SLC25A28: variants seen among roughly 807,000 people sequenced by gnomAD.
The protein encoded by SLC25A28 is mitoferrin-2.
Under a neutral mutation model 31.9 loss-of-function variants are expected in SLC25A28, and 10 were observed. The ratio of observed to expected loss-of-function variants is 0.31; its 90% CI spans 0.19 to 0.53. SLC25A28 has a LOEUF of 0.53. SLC25A28 is among the 20% of genes least tolerant of loss of function. SLC25A28 has a pLI of 0.95. For synonymous variants in SLC25A28, 208 were observed against 203.6 expected, an observed-to-expected ratio of 1.02 and a Z score of -0.19; for missense variants, 256 against 490.3, an observed-to-expected ratio of 0.52 and a Z score of 4.51.
chr10:99,645,600 G>A, the SLC25A28 span, among the ~76,000 whole-genome samples: 1 of 152,184 alleles, frequency 6.6e-6, no homozygotes, highest in Non-Finnish European at 1.5e-5. Context: ...TCCATTGCTG[G>A]CGAGGAGCTG....
Position 99,620,175 on chromosome 10 carries a change from C to G in SLC25A28, c.161G>C (p.Arg54Pro). 1.3e-6 allele frequency: 2 copies of G among 1,537,674 alleles called. No individual in the cohort carries two copies. The highest frequency in any genetic ancestry group is 1.7e-6 in the Non-Finnish European group (2 of 1,148,916). Residue 54 changes from arginine (R) to proline (P), a missense_variant, in exon 1 of 4, where the codon CGA becomes CCA. Arg to Pro is a moderately radical substitution (Grantham distance 103, BLOSUM62 -2). Transcript: ENST00000370495. ...GTCCGGGCCGGAGTCCGGATCTTGT[C>G]GTACCGGGGGCCTGCAGGCCCCGGC... ...GEAGACRPPV[R>P]QDPDSGPDYE...
In SLC25A28 at chr10:99,610,607, G is replaced by A. The variant is rs1191704891; in HGVS notation, c.*242C>T. On this transcript the variant is annotated 3_prime_UTR_variant, in exon 4 of 4. Coordinates refer to ENST00000370495, the MANE Select transcript of SLC25A28 (RefSeq NM_031212.4). ...GTCTAGAGCAGGTCATCAGGCCCAGGATGGAGAGAGGTTATCAAAGGTGCT... is the reference window on the plus strand; with the variant it reads ...GTCTAGAGCAGGTCATCAGGCCCAGAATGGAGAGAGGTTATCAAAGGTGCT... 3 of 547,364 alleles carry A rather than the reference G, an allele frequency of 5.5e-6. No individual in the cohort carries two copies. Among genetic ancestry groups the A allele is most frequent in the Non-Finnish European group, 9.8e-6 (3 of 304,672 alleles). 33.9% of individuals were successfully genotyped at this position (547,364 alleles called of 1,614,324 possible).
the SLC25A28 span, among the ~76,000 whole-genome samples, chr10:99,626,057 T>C: frequency 6.6e-6 from 1 of 152,234 alleles, no homozygotes; most frequent in Admixed American, 6.5e-5. Context: ...CCCTTTGTTC[T>C]TATCAAATTT....
the SLC25A28 span, among the ~76,000 whole-genome samples, chr10:99,637,642 C>T: frequency 5.4e-4 from 82 of 152,228 alleles, no homozygotes; most frequent in South Asian, 1.5e-3. Flanking sequence ...ACACCAACAG[C>T]GACCAAGTGG....
intron 1 of SLC25A28, 52 bp downstream of exon 1, chr10:99,619,993 C>T: frequency 6.6e-7 from 1 of 1,509,764 alleles, no homozygotes; most frequent in South Asian, 1.2e-5. Flanking sequence ...CGGACAAGAC[C>T]CAGGGGTCGG....
the SLC25A28 span, among the ~76,000 whole-genome samples, chr10:99,650,349 T>A: frequency 6.6e-6 from 1 of 152,126 alleles, no homozygotes; most frequent in Non-Finnish European, 1.5e-5. Context: ...AGCAAATTTT[T>A]AAAAATTTTC....
At chr10:99,623,395 A>G (rs1164098815), upstream of SLC25A28, among the ~76,000 whole-genome samples, 2 of 152,170 alleles carry the variant, frequency 1.3e-5, no homozygotes, top group Non-Finnish European at 2.9e-5. Context: ...TTCGTTTTCC[A>G]TGAAAGTCTT....
chr10:99,641,981 A>G, the SLC25A28 span, among the ~76,000 whole-genome samples: 1 of 152,118 alleles, frequency 6.6e-6, no homozygotes, highest in Non-Finnish European at 1.5e-5. Context: ...CTTGTAGTAT[A>G]GTTTGAAGTC....
intron 1 of SLC25A28, chr10:99,619,144 A>G: frequency 1.0e-6 from 1 of 985,434 alleles, no homozygotes; most frequent in Non-Finnish European, 1.2e-6. Context: ...TGACTTCAGT[A>G]CACATAAATC....
chr10:99,649,363 T>A, the SLC25A28 span, among the ~76,000 whole-genome samples: 1 of 152,236 alleles, frequency 6.6e-6, no homozygotes, highest in African/African-American at 2.4e-5. Flanking sequence ...TAATATTTTG[T>A]TAAGGATTTT....
At position 99,611,490 on chromosome 10, in the gene SLC25A28, T is replaced by A; in HGVS notation, c.578-124A>T. 1 of 1,230,282 alleles carries A rather than the reference T, an allele frequency of 8.1e-7. No individual in the cohort carries two copies. Among genetic ancestry groups the A allele is most frequent in the Non-Finnish European group, 1.1e-6 (1 of 887,410 alleles). 76.2% of individuals were successfully genotyped at this position (1,230,282 alleles called of 1,614,324 possible). A position where few individuals can be genotyped will look rare whatever the true frequency, so the allele number is the denominator to read the frequency against. ...GAATAGAGAGAGAAAAAAGTATGAGTGAGCTGCTGGCTAACCTGAGAAGTC... is the reference window on the plus strand; with the variant it reads ...GAATAGAGAGAGAAAAAAGTATGAGAGAGCTGCTGGCTAACCTGAGAAGTC... On this transcript the variant is annotated intron_variant, in intron 3 of 3. Coordinates refer to ENST00000370495, the MANE Select transcript of SLC25A28 (RefSeq NM_031212.4). This position sits in a 1 kb window ranked among gnomAD's most constrained non-coding sequence, Gnocchi z 5.5.
chr10:99,616,842 T>C (rs1344541507), intron 1 of SLC25A28: 1 of 919,260 alleles, frequency 1.1e-6, no homozygotes, highest in Non-Finnish European at 1.3e-6. Flanking sequence ...TGTAAAATAA[T>C]GAAAATGGTT....
At chr10:99,638,360 C>G in the SLC25A28 span, among the ~76,000 whole-genome samples, 5 of 152,182 alleles carry the variant, frequency 3.3e-5, no homozygotes, top group Admixed American at 1.3e-4. Context: ...TTGGACAAAC[C>G]CTTCTAGACA....
chr10:99,655,945 C>T, the SLC25A28 span, among the ~76,000 whole-genome samples: 16 of 152,220 alleles, frequency 1.1e-4, no homozygotes, highest in South Asian at 4.1e-4. Context: ...GGATCTCCCA[C>T]GCCATGCTAA....
intron 2 of SLC25A28, 36 bp from the exon 3 acceptor site, chr10:99,612,635 A>G (rs758117200): frequency 1.4e-5 from 23 of 1,613,772 alleles, no homozygotes; most frequent in Non-Finnish European, 1.9e-5. Context: ...ATGTAAGGCC[A>G]AGAGAGCTGA....
Position 99,613,619 on chromosome 10 carries a change from G to A in SLC25A28, c.520+77C>T. On this transcript the variant is annotated intron_variant, in intron 2 of 3. Transcript: ENST00000370495. The surrounding 1 kb of genome is among the most constrained non-coding windows in gnomAD (Gnocchi z 4.9). ...CAAAGCTTCAGCTCCAAACCATGCT[G>A]AGACTGGAAAGCACTGACAGCAGCA... 6.2e-7 allele frequency: 1 copy of A among 1,604,430 alleles called. No homozygotes were observed. Among genetic ancestry groups the A allele is most frequent in the East Asian group, 2.2e-5 (1 of 44,748 alleles).
the SLC25A28 span, among the ~76,000 whole-genome samples, chr10:99,628,258 G>T: frequency 2.0e-5 from 3 of 152,150 alleles, no homozygotes; most frequent in East Asian, 3.8e-4. Flanking sequence ...AGAAAAAGCT[G>T]AGTAATACTC....
At chr10:99,658,064 C>A in the SLC25A28 span, among the ~76,000 whole-genome samples, 8 of 152,096 alleles carry the variant, frequency 5.3e-5, no homozygotes, top group African/African-American at 1.2e-4. Flanking sequence ...TGGCACGTGC[C>A]TGTAGAGCCA....
chr10:99,655,353 GT>G, the SLC25A28 span, among the ~76,000 whole-genome samples: 1 of 152,100 alleles, frequency 6.6e-6, no homozygotes, highest in Non-Finnish European at 1.5e-5. Flanking sequence ...TTGAGATGTA[GT>G]TATGAAATGT....
Sources: allele counts gnomAD v4.1 joint callset (sites outside exome capture counted in the v4.1 genomes callset), GRCh38; gene constraint gnomAD v4.1.1; non-coding constraint Gnocchi (gnomAD v3.1); transcripts MANE v1.5; gene names NCBI Gene and HGNC (gene_info 2026-07-23, HGNC 2026-07-21).